Variants in PLCG2 observed in about 807,000 individuals in gnomAD.
The protein encoded by PLCG2 is phospholipase C gamma 2, also known as 1-phosphatidylinositol 4,5-bisphosphate phosphodiesterase gamma-2.
Under a neutral mutation model 175.6 loss-of-function variants are expected in PLCG2, and 69 were observed. That is an observed-to-expected ratio of 0.39 (90% CI 0.32 to 0.48). The LOEUF (loss-of-function observed/expected upper bound fraction) is 0.48. Ranked by LOEUF, PLCG2 falls within the 20% of genes least tolerant of loss-of-function variation. The pLI is 0.91. For synonymous variants in PLCG2, 827 were observed against 624.0 expected (o/e 1.33, Z -4.85); for missense variants, 1,798 against 1,650.9 (o/e 1.09, Z -1.54).
chr16:81,801,352 CATATA>C (rs559708349), intron 2 of PLCG2, among the ~76,000 whole-genome samples: 1 of 152,138 alleles, frequency 6.6e-6, no homozygotes, highest in Non-Finnish European at 1.5e-5. Context: ...CCATGATTAA[CATATA>C]ATATGTTTTG....
intron 2 of PLCG2, among the ~76,000 whole-genome samples, chr16:81,807,350 A>T (rs970890269): frequency 6.6e-6 from 1 of 152,136 alleles, no homozygotes; most frequent in African/African-American, 2.4e-5. Flanking sequence ...ACTGAGGAGG[A>T]TGGGCTTCTC....
rs1258456712 is a variant in PLCG2, at chr16:81,914,260, G to A, written c.2054+1544G>A. Among the ~76,000 whole-genome samples the A allele has an allele frequency of 2.0e-5, 3 of 152,220 alleles. 1 individual carries two copies. The South Asian group carries it at 6.2e-4, about 32-fold the overall frequency. ...GACAGCTCTGACACAACCGGATCGGGGCCTCACCTGATGATGGTCAGGATG... is the reference window on the plus strand; with the variant it reads ...GACAGCTCTGACACAACCGGATCGGAGCCTCACCTGATGATGGTCAGGATG... On this transcript the variant is annotated intron_variant, in intron 19 of 32. Coordinates refer to ENST00000564138, the MANE Select transcript of PLCG2 (RefSeq NM_002661.5).
At chr16:81,912,050 A>G (rs754164580) in intron 18 of PLCG2, among the ~76,000 whole-genome samples, 19 of 151,332 alleles carry the variant, frequency 1.3e-4, no homozygotes, top group African/African-American at 3.9e-4. Flanking sequence ...ACCCGCCTCA[A>G]CCTCCCAAAG....
At chr16:81,794,527 A>G (rs1278704687) in intron 2 of PLCG2, among the ~76,000 whole-genome samples, 2 of 152,158 alleles carry the variant, frequency 1.3e-5, no homozygotes, top group East Asian at 3.9e-4. Context: ...GGTATAAAGA[A>G]GGGCTGTCAA....
intron 2 of PLCG2, among the ~76,000 whole-genome samples, chr16:81,828,333 C>A (rs1370289693): frequency 7.0e-6 from 1 of 143,234 alleles, no homozygotes; most frequent in African/African-American, 2.6e-5. Context: ...GCAAGCTCCG[C>A]CTCCCAAGTA....
At chr16:81,921,379 C>A in intron 21 of PLCG2, 110 bp downstream of exon 21, 1 of 781,728 alleles carries the variant, frequency 1.3e-6, no homozygotes, top group Non-Finnish European at 2.3e-6. Context: ...TTTGGAAAAC[C>A]TGGCCAAAAT....
chr16:81,936,828 A>C (rs1183477347), intron 27 of PLCG2, among the ~76,000 whole-genome samples: 1 of 152,160 alleles, frequency 6.6e-6, no homozygotes, highest in African/African-American at 2.4e-5. Context: ...TGTTGTTGTT[A>C]TTTAAGACCT....
In PLCG2 at chr16:81,917,227, CTTTT is replaced by C. The variant is rs57305207; in HGVS notation, c.2055-2242_2055-2239del. Among the ~76,000 whole-genome samples the C allele has an allele frequency of 3.9e-3, 549 of 141,744 alleles. 5 individuals carry two copies. The highest frequency in any genetic ancestry group is 0.012 in the African/African-American group (449 of 38,470). The allele number at this position is 141,744 out of a possible 152,430, so 93.0% of individuals were successfully genotyped here. A position where few individuals can be genotyped will look rare whatever the true frequency, so the allele number is the denominator to read the frequency against. On this transcript the variant is annotated intron_variant, in intron 19 of 32. Transcript: ENST00000564138. ...ATGCTGTTGCAAATGACAGGCTTTC[CTTTT>C]TTTTTTTTTTTTTTAAAGCAAATGG...
rs1911591792 is a variant in PLCG2, at chr16:81,956,867, A to C, written c.3743A>C (p.Lys1248Thr). The change falls in exon 32 of 33, where the codon AAA (lysine) becomes ACA (threonine). Residue 1248 changes from lysine (K) to threonine (T), a missense_variant. Physicochemically the swap from Lys to Thr is moderately conservative, Grantham distance 78 (BLOSUM62 -1). Coordinates refer to ENST00000564138, the MANE Select transcript of PLCG2 (RefSeq NM_002661.5). ...NENQLQLYQE[K>T]CNKRLREKRV... ...AACCAGCTCCAGCTGTACCAGGAGAAATGCAACAAGAGGTAGGTCAGCCCC... is the reference window on the plus strand; with the variant it reads ...AACCAGCTCCAGCTGTACCAGGAGACATGCAACAAGAGGTAGGTCAGCCCC... 6.2e-7 allele frequency: 1 copy of C among 1,613,492 alleles called. No individual in the cohort carries two copies. Among genetic ancestry groups the C allele is most frequent in the Non-Finnish European group, 8.5e-7 (1 of 1,179,630 alleles).
Position 81,910,342 on chromosome 16 carries a change from C to T in PLCG2, c.1734-178C>T, listed in dbSNP as rs957208042. On this transcript the variant is annotated intron_variant, in intron 17 of 32. Transcript: ENST00000564138. Reference sequence around the variant, plus strand: ...CTAATCTCAGGTGATCCACCCGTCTCGGCCTCCCAAAGTGCTGGGATTACA... The same window carrying T: ...CTAATCTCAGGTGATCCACCCGTCTTGGCCTCCCAAAGTGCTGGGATTACA... Among the ~76,000 whole-genome samples the T allele has an allele frequency of 5.9e-5, 9 of 152,332 alleles. No homozygotes were observed. The East Asian group carries it at 1.5e-3, about 26-fold the overall frequency.
rs201084625 is a variant in PLCG2 at position 81,919,607 on chromosome 16, C to T, written c.2178C>T (p.Tyr726=). 8 of 1,614,012 alleles carry T rather than the reference C, an allele frequency of 5.0e-6. No individual in the cohort carries two copies. The highest frequency in any genetic ancestry group is 6.8e-6 in the Non-Finnish European group (8 of 1,180,028). Residue 726 remains tyrosine (Y), a synonymous_variant, in exon 20 of 33, where the codon TAC becomes TAT. Coordinates refer to ENST00000564138, the MANE Select transcript of PLCG2 (RefSeq NM_002661.5). ...GTTACTACGAGAAGCATTCACTCTACCGAAAGATGAGACTGCGCTACCCCG... is the reference window on the plus strand; with the variant it reads ...GTTACTACGAGAAGCATTCACTCTATCGAAAGATGAGACTGCGCTACCCCG... ...LVSYYEKHSL[Y]RKMRLRYPVT...
chr16:81,946,380 A>G (rs1345662535), intron 31 of PLCG2, 117 bp downstream of exon 31: 2 of 735,724 alleles, frequency 2.7e-6, no homozygotes, highest in Non-Finnish European at 4.9e-6. Flanking sequence ...TGTCTAGCCC[A>G]AGCATGAGAC....
intron 2 of PLCG2, among the ~76,000 whole-genome samples, chr16:81,770,786 C>T (rs1362656451): frequency 5.9e-5 from 9 of 152,044 alleles, no homozygotes; most frequent in South Asian, 2.1e-4. Flanking sequence ...AGGCCGGGCG[C>T]GGTGGCTCAC....
At chr16:81,807,901 G>A (rs748118135) in intron 2 of PLCG2, among the ~76,000 whole-genome samples, 4 of 152,136 alleles carry the variant, frequency 2.6e-5, no homozygotes, top group Non-Finnish European at 4.4e-5. Context: ...AGAACTCACT[G>A]AATATTGCAA....
chr16:81,906,198 G>C (rs1394479528), intron 15 of PLCG2: 5 of 152,112 alleles, frequency 3.3e-5, no homozygotes, highest in Non-Finnish European at 7.4e-5. Flanking sequence ...TGTTCACTCA[G>C]GCTATTTTCC....
At position 81,959,178 on chromosome 16, in the gene PLCG2, GA is replaced by G; in HGVS notation, c.*1184del. 8.9e-6 allele frequency: 2 copies of G among 225,796 alleles called. No individual in the cohort carries two copies. The highest frequency in any genetic ancestry group is 1.8e-5 in the Non-Finnish European group (2 of 113,368). The allele number at this position is 225,796 out of a possible 1,614,324, so 14.0% of individuals were successfully genotyped here. On this transcript the variant is annotated 3_prime_UTR_variant, in exon 33 of 33. Transcript: ENST00000564138. ...CAATGAGTGAATTTACAGCTGATGG[GA>G]AAAGGAGTGTAACTGTGAAAAACGA...
chr16:81,929,651 C>T (rs914353870), intron 24 of PLCG2, among the ~76,000 whole-genome samples: 1 of 152,250 alleles, frequency 6.6e-6, no homozygotes, highest in Non-Finnish European at 1.5e-5. Context: ...CTGCCTTAGC[C>T]TCCCAAAGTG....
At chr16:81,767,506 C>G (rs1202916177) in intron 2 of PLCG2, 1 of 152,206 alleles carries the variant, frequency 6.6e-6, no homozygotes, top group Non-Finnish European at 1.5e-5. Context: ...CTCCAGGAAG[C>G]CTTCCCAACC....
chr16:81,821,929 C>G (rs74029229), intron 2 of PLCG2, among the ~76,000 whole-genome samples: 7 of 151,798 alleles, frequency 4.6e-5, no homozygotes, highest in East Asian at 1.9e-4. Flanking sequence ...GGGGTTCCAT[C>G]CCAGATCCAC....
Sources: allele counts gnomAD v4.1 joint callset (sites outside exome capture counted in the v4.1 genomes callset), GRCh38; gene constraint gnomAD v4.1.1; transcripts MANE v1.5; gene names NCBI Gene and HGNC (gene_info 2026-07-23, HGNC 2026-07-21).